CD96: variants seen among roughly 807,000 people sequenced by gnomAD.
CD96 encodes the protein T-cell surface protein tactile.
CD96 carries 70 observed loss-of-function variants against 71.3 expected under a neutral mutation model. The ratio of observed to expected loss-of-function variants is 0.98; its 90% CI spans 0.81 to 1.20. The LOEUF (loss-of-function observed/expected upper bound fraction) is 1.20, where lower values mean the gene tolerates loss of function less well. Among genes scored for constraint, CD96 ranks in the 50% most tolerant of loss-of-function variants. CD96 has a pLI of 0.00. For missense variants in CD96, 742 were observed against 677.5 expected, an observed-to-expected ratio of 1.10 and a Z score of -1.06; for synonymous variants, 248 against 233.0, an observed-to-expected ratio of 1.06 and a Z score of -0.59.
rs1938977892 is a variant in CD96 at position 111,630,015 on chromosome 3, G to A, written c.1321+5611G>A. Among the ~76,000 whole-genome samples, 2 of 152,184 alleles carry A rather than the reference G, an allele frequency of 1.3e-5. 1 individual carries two copies. Among genetic ancestry groups the A allele is most frequent in the South Asian group, 4.1e-4 (2 of 4,826 alleles). On this transcript the variant is annotated intron_variant, in intron 10 of 13. Coordinates refer to ENST00000352690, the MANE Select transcript of CD96 (RefSeq NM_005816.5). ...ATCTCTGGGACACAGCTAAAGCAGTGCTAAGAAGGAAATCGATAGCACTAA... is the reference window on the plus strand; with the variant it reads ...ATCTCTGGGACACAGCTAAAGCAGTACTAAGAAGGAAATCGATAGCACTAA...
intron 5 of CD96, among the ~76,000 whole-genome samples, chr3:111,597,308 A>G (rs1022994855): frequency 6.6e-6 from 1 of 152,260 alleles, no homozygotes; most frequent in Non-Finnish European, 1.5e-5. Context: ...AGACTGTAAA[A>G]GAAAGTATCA....
intron 4 of CD96, among the ~76,000 whole-genome samples, chr3:111,580,108 T>A (rs1241368479): frequency 6.6e-6 from 1 of 152,184 alleles, no homozygotes; most frequent in African/African-American, 2.4e-5. Flanking sequence ...CCTCCCCTGC[T>A]ATCCTGCCAA....
intron 8 of CD96, among the ~76,000 whole-genome samples, chr3:111,609,181 G>A (rs962497127): frequency 6.6e-6 from 1 of 152,148 alleles, no homozygotes; most frequent in Non-Finnish European, 1.5e-5. Context: ...ATGGGCATTT[G>A]AGAAAGCATC....
At chr3:111,606,866 A>C (rs1387706721) in intron 8 of CD96, 74 bp downstream of exon 8, 1 of 896,866 alleles carries the variant, frequency 1.1e-6, no homozygotes, top group Non-Finnish European at 1.9e-6. Context: ...GCAAACTTGC[A>C]TCATTCATGC....
chr3:111,626,665 C>A (rs538787383), intron 10 of CD96, among the ~76,000 whole-genome samples: 20 of 152,208 alleles, frequency 1.3e-4, no homozygotes, highest in Admixed American at 7.2e-4. Context: ...ATAGCAAAAA[C>A]TTTAAGTAAT....
At chr3:111,596,360 C>T (rs908989774) in intron 5 of CD96, among the ~76,000 whole-genome samples, 4 of 152,012 alleles carry the variant, frequency 2.6e-5, no homozygotes, top group Non-Finnish European at 5.9e-5. Flanking sequence ...AATCTTGGAA[C>T]GCAAAGTCTA....
intron 8 of CD96, among the ~76,000 whole-genome samples, chr3:111,618,162 TCA>T (rs1381650956): frequency 1.3e-5 from 2 of 152,212 alleles, no homozygotes; most frequent in African/African-American, 4.8e-5. Context: ...TGCACCTGGC[TCA>T]CCCTTGGCAG....
At chr3:111,560,322 G>A (rs528473137) in intron 2 of CD96, among the ~76,000 whole-genome samples, 1 of 151,966 alleles carries the variant, frequency 6.6e-6, no homozygotes, top group African/African-American at 2.4e-5. Flanking sequence ...TTTACATTTT[G>A]GCATGATTTT....
At chr3:111,551,236 G>A (rs1427696062) in intron 2 of CD96, among the ~76,000 whole-genome samples, 1 of 152,114 alleles carries the variant, frequency 6.6e-6, no homozygotes, top group Non-Finnish European at 1.5e-5. Context: ...CAAGATCCAA[G>A]ATGTGATTGT....
rs750921261 is a variant in CD96 at position 111,598,119 on chromosome 3, G to C, written c.808-1G>C. 2 of 1,322,778 alleles carry C rather than the reference G, an allele frequency of 1.5e-6. No homozygotes were observed. The highest frequency in any genetic ancestry group is 2.4e-5 in the South Asian group (2 of 85,086). 81.9% of individuals were successfully genotyped at this position (1,322,778 alleles called of 1,614,324 possible). On this transcript the variant is annotated splice_acceptor_variant, in intron 5 of 13. Coordinates refer to ENST00000352690, the MANE Select transcript of CD96 (RefSeq NM_005816.5). LOFTEE classifies it high-confidence loss of function. ...TAATCCTTTTTCTGTCTTTACCCCA[G>C]AGAAGATTTACCTGCTTACTAAAGA...
chr3:111,641,898 C>T (rs1939609158), intron 12 of CD96, among the ~76,000 whole-genome samples: 1 of 152,184 alleles, frequency 6.6e-6, no homozygotes. Flanking sequence ...CCTGAATGAG[C>T]ATTGGGTCAA....
chr3:111,601,336 G>A (rs576811907), intron 7 of CD96, among the ~76,000 whole-genome samples: 2 of 152,162 alleles, frequency 1.3e-5, no homozygotes, highest in African/African-American at 2.4e-5. Context: ...TTAATATTTA[G>A]GAATGGATAA....
At chr3:111,577,509 G>A (rs867556804) in intron 3 of CD96, 1 of 1,605,946 alleles carries the variant, frequency 6.2e-7, no homozygotes, top group Non-Finnish European at 8.5e-7. Context: ...TAGGAAAACA[G>A]CAGCACGGAT....
intron 2 of CD96, among the ~76,000 whole-genome samples, chr3:111,545,740 A>T (rs1934362467): frequency 6.6e-6 from 1 of 152,178 alleles, no homozygotes; most frequent in South Asian, 2.1e-4. Flanking sequence ...GCTGAGGCAG[A>T]GTGGGATTGT....
At chr3:111,635,090 G>A (rs899496277) in intron 10 of CD96, 5 of 153,430 alleles carry the variant, frequency 3.3e-5, no homozygotes, top group Non-Finnish European at 7.3e-5. Context: ...TCTTACAGAC[G>A]ATTCTATAAA....
chr3:111,644,735 A>T (rs1480553654), intron 12 of CD96, among the ~76,000 whole-genome samples: 2 of 152,208 alleles, frequency 1.3e-5, no homozygotes, highest in South Asian at 4.1e-4. Context: ...TCAAAAGAAG[A>T]TATACAAATG....
chr3:111,574,553 A>G (rs1936136373), intron 3 of CD96, among the ~76,000 whole-genome samples: 1 of 152,180 alleles, frequency 6.6e-6, no homozygotes, highest in Non-Finnish European at 1.5e-5. Context: ...AGGATTTGTC[A>G]AGTATTTAAG....
intron 14 of CD96, among the ~76,000 whole-genome samples, chr3:111,661,306 T>G (rs1209503187): frequency 6.6e-6 from 1 of 152,162 alleles, no homozygotes; most frequent in Non-Finnish European, 1.5e-5. Flanking sequence ...CAACATGAGA[T>G]TTAGATGGGG....
At chr3:111,630,407 G>A (rs1939000142) in intron 10 of CD96, among the ~76,000 whole-genome samples, 1 of 152,078 alleles carries the variant, frequency 6.6e-6, no homozygotes, top group Admixed American at 6.6e-5. Context: ...AAAAAATCTA[G>A]AAGAAATAGA....
Sources: gnomAD v4.1 joint callset for allele counts (sites outside exome capture counted in the v4.1 genomes callset) on GRCh38, gnomAD v4.1.1 for gene constraint, MANE v1.5 for transcripts, NCBI Gene and HGNC (gene_info 2026-07-23, HGNC 2026-07-21) for gene names.